NEBL: variants seen among roughly 807,000 people sequenced by gnomAD.
The protein encoded by NEBL is LIM and SH3 protein 2.
In NEBL, 122 loss-of-function variants were observed where a neutral mutation model predicts 140.2. The ratio of observed to expected loss-of-function variants is 0.87; its 90% CI spans 0.75 to 1.01. The LOEUF is 1.01. Among genes scored for constraint, NEBL ranks in the 50% least tolerant of loss-of-function variants. The probability of loss-of-function intolerance (pLI) is 0.00; values close to 1 mark genes in which losing one functional copy is unlikely to be tolerated. For synonymous variants in NEBL, 436 were observed against 398.9 expected (o/e 1.09, Z -1.11); for missense variants, 1,365 against 1,231.3 (o/e 1.11, Z -1.62).
intron 3 of NEBL, among the ~76,000 whole-genome samples, chr10:21,199,126 G>A (rs1012497413): frequency 3.6e-4 from 54 of 151,968 alleles, no homozygotes; most frequent in African/African-American, 1.2e-3. Flanking sequence ...CTAGGCTCAA[G>A]CAATCCTCCC....
intron 3 of NEBL, among the ~76,000 whole-genome samples, chr10:21,227,111 G>T (rs914986487): frequency 6.6e-6 from 1 of 151,986 alleles, no homozygotes; most frequent in African/African-American, 2.4e-5. Context: ...TTCAGTGATG[G>T]CTAGATTTAA....
chr10:20,798,237 G>A (rs140030947), intron 26 of NEBL, among the ~76,000 whole-genome samples: 11 of 152,186 alleles, frequency 7.2e-5, no homozygotes, highest in Admixed American at 2.6e-4. Flanking sequence ...CACAGATAAC[G>A]GGCAAGCAAA....
At chr10:21,202,656 G>A (rs1007527282) in intron 3 of NEBL, among the ~76,000 whole-genome samples, 1 of 151,602 alleles carries the variant, frequency 6.6e-6, no homozygotes. Context: ...TAGAGACGGG[G>A]TTTCACTGTG....
chr10:21,073,364 C>T (rs1451038324), intron 2 of NEBL, among the ~76,000 whole-genome samples: 2 of 151,502 alleles, frequency 1.3e-5, no homozygotes, highest in African/African-American at 4.9e-5. Flanking sequence ...TGCCTGTAAT[C>T]CCAGCACTTT....
At chr10:20,822,937 C>G (rs1839487972) in intron 19 of NEBL, among the ~76,000 whole-genome samples, 1 of 152,126 alleles carries the variant, frequency 6.6e-6, no homozygotes, top group Non-Finnish European at 1.5e-5. Flanking sequence ...CCTGCTCTCA[C>G]CCTCCTACCT....
chr10:20,857,456 A>T (rs1463875943), intron 9 of NEBL, among the ~76,000 whole-genome samples: 1 of 152,192 alleles, frequency 6.6e-6, no homozygotes, highest in African/African-American at 2.4e-5. Flanking sequence ...TCAATAAATT[A>T]TGATTAATTT....
At chr10:20,962,832 G>T (rs887190893) in intron 3 of NEBL, among the ~76,000 whole-genome samples, 3 of 152,080 alleles carry the variant, frequency 2.0e-5, no homozygotes, top group African/African-American at 7.2e-5. Context: ...TATTCAATAT[G>T]ATTGTTAGTG....
intron 13 of NEBL, among the ~76,000 whole-genome samples, chr10:20,838,763 G>A (rs894603088): frequency 4.6e-5 from 7 of 152,050 alleles, no homozygotes; most frequent in African/African-American, 9.7e-5. Context: ...CTGATCAGTC[G>A]GCAGCCATCA....
chr10:20,910,822 G>GT (rs1409615480), intron 4 of NEBL, among the ~76,000 whole-genome samples: 8 of 71,004 alleles, frequency 1.1e-4, no homozygotes, highest in African/African-American at 3.7e-4. Flanking sequence ...GGTGTTTTTC[G>GT]TTTTTGTTTT....
upstream of NEBL, chr10:21,174,212 C>A: frequency 4.7e-6 from 1 of 212,204 alleles, no homozygotes; most frequent in South Asian, 1.5e-4. Context: ...GCGCCCGGAC[C>A]GAAGTGGCAG....
At chr10:21,003,746 G>A (rs1428782961) in intron 3 of NEBL, among the ~76,000 whole-genome samples, 1 of 152,176 alleles carries the variant, frequency 6.6e-6, no homozygotes, top group Non-Finnish European at 1.5e-5. Flanking sequence ...ATCACATGAG[G>A]AATGTAGGAA....
chr10:21,007,063 G>A (rs1397815416), intron 3 of NEBL, among the ~76,000 whole-genome samples: 1 of 151,972 alleles, frequency 6.6e-6, no homozygotes, highest in Non-Finnish European at 1.5e-5. Flanking sequence ...TCAAAGAAAG[G>A]ATAAACATTT....
intron 4 of NEBL, among the ~76,000 whole-genome samples, chr10:20,959,607 C>T (rs1380025106): frequency 6.6e-6 from 1 of 152,052 alleles, no homozygotes; most frequent in Non-Finnish European, 1.5e-5. Flanking sequence ...ATAATAAATT[C>T]ACCAGACCTC....
At chr10:21,008,019 C>A (rs1393415419) in intron 3 of NEBL, among the ~76,000 whole-genome samples, 1 of 152,148 alleles carries the variant, frequency 6.6e-6, no homozygotes, top group Admixed American at 6.5e-5. Flanking sequence ...TCATACTTAG[C>A]CATTCATAAC....
At position 20,854,596 on chromosome 10, in the gene NEBL, G is replaced by T. The variant is rs188101415; in HGVS notation, c.904-1947C>A. ...TTTTTTTTTTTTTGGACAGGGTCTT[G>T]CTCTGTCACCCAGGCTGGAGTGCAG... On this transcript the variant is annotated intron_variant, in intron 9 of 27. Coordinates refer to ENST00000377122, the MANE Select transcript of NEBL (RefSeq NM_006393.3). 7.8e-4 allele frequency among the ~76,000 whole-genome samples: 80 copies of T among 102,070 alleles called. No individual in the cohort carries two copies. The East Asian group carries it at 0.016, about 21-fold the overall frequency. The allele number at this position is 102,070 out of a possible 152,430, so 67.0% of individuals were successfully genotyped here. A position where few individuals can be genotyped will look rare whatever the true frequency, so the allele number is the denominator to read the frequency against.
chr10:21,050,920 C>A (rs1392862641), intron 2 of NEBL, among the ~76,000 whole-genome samples: 3 of 152,178 alleles, frequency 2.0e-5, no homozygotes, highest in African/African-American at 4.8e-5. Flanking sequence ...CTGAGTCTTA[C>A]ACACCCTGTT....
rs41277370 is a variant in NEBL, at chr10:20,845,353, C to T, written c.1132G>A (p.Asp378Asn). ...CTTCCTTTAATCTCCTTCTCAAAAT[C>T]CTCTTTGTAAACTTTCTGTTAAATA... is the stretch of plus-strand genomic sequence containing the variant. ...KMQSEKVYKEDFEKEIKGRSS... is the reference protein window; with the variant it reads ...KMQSEKVYKENFEKEIKGRSS... Residue 378 changes from aspartate to asparagine, a missense_variant, in exon 12 of 28, where the codon GAT (aspartate) becomes AAT (asparagine). Coordinates refer to ENST00000377122, the MANE Select transcript of NEBL (RefSeq NM_006393.3). 2.5e-6 allele frequency: 4 copies of T among 1,591,014 alleles called. No individual in the cohort carries two copies. The Admixed American group carries it at 6.7e-5, about 27-fold the overall frequency.
chr10:21,288,820 G>GTATATA (rs71392181), intron 1 of NEBL, among the ~76,000 whole-genome samples: 9 of 35,020 alleles, frequency 2.6e-4, no homozygotes, highest in Middle Eastern at 0.024. Flanking sequence ...GTGTGTGTGT[G>GTATATA]TATATATATA....
intron 2 of NEBL, among the ~76,000 whole-genome samples, chr10:21,158,671 C>T (rs1341328711): frequency 6.6e-6 from 1 of 152,200 alleles, no homozygotes; most frequent in African/African-American, 2.4e-5. Context: ...CCCTAAGATG[C>T]CACCCTCTGG....
Sources: gnomAD v4.1 joint callset for allele counts (sites outside exome capture counted in the v4.1 genomes callset) on GRCh38, gnomAD v4.1.1 for gene constraint, MANE v1.5 for transcripts, NCBI Gene and HGNC (gene_info 2026-07-23, HGNC 2026-07-21) for gene names.